MCTP1: variants seen among roughly 807,000 people sequenced by gnomAD.
MCTP1 encodes multiple C2 and transmembrane domain-containing protein 1.
Under a neutral mutation model 120.6 loss-of-function variants are expected in MCTP1, and 69 were observed. The ratio of observed to expected loss-of-function variants is 0.57; its 90% CI spans 0.47 to 0.70. MCTP1 has a LOEUF of 0.70. MCTP1 is among the 30% of genes least tolerant of loss of function. The probability of loss-of-function intolerance (pLI) is 0.00; values close to 1 mark genes in which losing one functional copy is unlikely to be tolerated. For synonymous variants in MCTP1, 529 were observed against 493.1 expected (o/e 1.07, Z -0.96); for missense variants, 1,203 against 1,248.8 (o/e 0.96, Z 0.55).
intron 1 of MCTP1, among the ~76,000 whole-genome samples, chr5:95,171,067 T>C (rs1225057749): frequency 1.3e-5 from 2 of 152,204 alleles, no homozygotes; most frequent in African/African-American, 2.4e-5. Context: ...CCTTTCCATG[T>C]TTAGTGCTTA....
At chr5:95,081,335 A>G in intron 1 of MCTP1, 1 of 1,086,522 alleles carries the variant, frequency 9.2e-7, no homozygotes, top group South Asian at 1.5e-5. Flanking sequence ...CCCCGTGAGA[A>G]GGCATTTTTC....
chr5:94,934,795 T>C (rs1253183459), intron 5 of MCTP1, among the ~76,000 whole-genome samples: 2 of 151,752 alleles, frequency 1.3e-5, no homozygotes, highest in East Asian at 3.9e-4. Context: ...TATGTTTCTT[T>C]GAATTTTCTA....
At chr5:94,940,575 TAC>T (rs1554144649) in intron 4 of MCTP1, among the ~76,000 whole-genome samples, 113 of 119,430 alleles carry the variant, frequency 9.5e-4, no homozygotes, top group African/African-American at 4.1e-3. Flanking sequence ...TATATATATA[TAC>T]ATATATATGT....
In MCTP1 at chr5:94,884,593, C is replaced by T. The variant is rs748337463; in HGVS notation, c.1933+4286G>A. 2.7e-5 allele frequency among the ~76,000 whole-genome samples: 3 copies of T among 109,856 alleles called. No homozygotes were observed. In the Admixed American group the frequency reaches 4.4e-4, roughly 16 times the overall value. The allele number at this position is 109,856 out of a possible 152,430, so 72.1% of individuals were successfully genotyped here. A position where few individuals can be genotyped will look rare whatever the true frequency, so the allele number is the denominator to read the frequency against. On this transcript the variant is annotated intron_variant, in intron 12 of 22. Coordinates refer to ENST00000515393, the MANE Select transcript of MCTP1 (RefSeq NM_024717.7). ...GGACCATCTAAAAGTGTCTGATCGC[C>T]GGTCTGTGACACAGCAAGTTGGGGG...
At position 94,982,884 on chromosome 5, in the gene MCTP1, C is replaced by CAAAAAAAAAAAAAAAAAAAAAAAA. The variant is rs34561115; in HGVS notation, c.839-29547_839-29524dup. Among the ~76,000 whole-genome samples the CAAAAAAAAAAAAAAAAAAAAAAAA allele has an allele frequency of 2.2e-3, 63 of 28,616 alleles. 14 individuals are homozygous for CAAAAAAAAAAAAAAAAAAAAAAAA. The highest frequency in any genetic ancestry group is 3.3e-3 in the Non-Finnish European group (40 of 12,002). The allele number at this position is 28,616 out of a possible 152,430, so 18.8% of individuals were successfully genotyped here. ...ACCTGGGGGACAGAGCACACTTCAT[C>CAAAAAAAAAAAAAAAAAAAAAAAA]AAAAAAAAAAAAAAAAAAAAAAAAA... On this transcript the variant is annotated intron_variant, in intron 2 of 22. Transcript: ENST00000515393.
intron 1 of MCTP1, among the ~76,000 whole-genome samples, chr5:95,061,308 A>G (rs1749001044): frequency 6.6e-6 from 1 of 150,958 alleles, no homozygotes; most frequent in African/African-American, 2.4e-5. Context: ...TTAAAAATGG[A>G]GTAAGTTTCC....
At chr5:94,847,191 A>G (rs1456101916) in intron 17 of MCTP1, among the ~76,000 whole-genome samples, 1 of 152,172 alleles carries the variant, frequency 6.6e-6, no homozygotes, top group Non-Finnish European at 1.5e-5. Flanking sequence ...TCCCCAGGTG[A>G]TATGTATGTA....
chr5:95,107,927 G>T (rs1757205949), intron 1 of MCTP1, among the ~76,000 whole-genome samples: 1 of 152,184 alleles, frequency 6.6e-6, no homozygotes, highest in Admixed American at 6.5e-5. Flanking sequence ...CTGCCATGGT[G>T]GTTTGCTGCA....
At chr5:95,036,911 T>TTCACTCACTCAC (rs141556044) in intron 1 of MCTP1, among the ~76,000 whole-genome samples, 92,410 of 151,506 alleles carry the variant, frequency 0.61, 29,589 homozygotes, top group Non-Finnish European at 0.73. Flanking sequence ...ATTTCATTCT[T>TTCACTCACTCAC]TCACTCACTC....
chr5:95,206,982 C>T (rs1021237451), intron 1 of MCTP1, among the ~76,000 whole-genome samples: 2 of 152,244 alleles, frequency 1.3e-5, no homozygotes, highest in African/African-American at 4.8e-5. Context: ...TATATTTATA[C>T]CCACTGACAT....
rs370512794 is a variant in MCTP1 at position 94,780,375 on chromosome 5, G to A, written c.2557-1212C>T. On this transcript the variant is annotated intron_variant, in intron 18 of 22. Coordinates refer to ENST00000515393, the MANE Select transcript of MCTP1 (RefSeq NM_024717.7). ...AACTGAGATAACATATCAGAACTCC[G>A]TTATTCCTAATAATTTTTCTCAAAT... 2.0e-4 allele frequency among the ~76,000 whole-genome samples: 30 copies of A among 151,878 alleles called. No individual in the cohort carries two copies. In the South Asian group the frequency reaches 5.0e-3, roughly 25 times the overall value.
intron 17 of MCTP1, among the ~76,000 whole-genome samples, chr5:94,864,931 A>T (rs563230512): frequency 2.4e-3 from 364 of 152,028 alleles, no homozygotes; most frequent in Non-Finnish European, 3.8e-3. Context: ...GAGCCTGATG[A>T]AAATTAGGCC....
chr5:95,250,088 A>G (rs950424993), intron 1 of MCTP1, among the ~76,000 whole-genome samples: 1 of 152,226 alleles, frequency 6.6e-6, no homozygotes, highest in Non-Finnish European at 1.5e-5. Context: ...GCAAACCAAC[A>G]TGGCACATGT....
At chr5:94,919,572 T>C (rs1811013289) in intron 7 of MCTP1, among the ~76,000 whole-genome samples, 1 of 152,190 alleles carries the variant, frequency 6.6e-6, no homozygotes, top group Non-Finnish European at 1.5e-5. Flanking sequence ...GTGTTTACAA[T>C]AAGCCATGTG....
At chr5:94,757,515 G>A (rs1201802942) in intron 19 of MCTP1, among the ~76,000 whole-genome samples, 1 of 152,170 alleles carries the variant, frequency 6.6e-6, no homozygotes, top group Non-Finnish European at 1.5e-5. Flanking sequence ...AAGGAAGTTA[G>A]TTTTAGAGGA....
At chr5:94,937,498 A>G (rs1479114260) in intron 5 of MCTP1, among the ~76,000 whole-genome samples, 1 of 152,028 alleles carries the variant, frequency 6.6e-6, no homozygotes. Flanking sequence ...CATGTAACCC[A>G]CCTACTTTCT....
At chr5:95,018,120 C>G (rs2114195) in intron 1 of MCTP1, among the ~76,000 whole-genome samples, 142,494 of 152,138 alleles carry the variant, frequency 0.94, 67,418 homozygotes, top group East Asian at 1. Context: ...TGTTTGTGAG[C>G]CTGCCTCTAT....
At chr5:94,897,725 T>C (rs531588338) in intron 10 of MCTP1, among the ~76,000 whole-genome samples, 1 of 152,246 alleles carries the variant, frequency 6.6e-6, no homozygotes, top group African/African-American at 2.4e-5. Context: ...GTTTGTAATA[T>C]ACATAAACTC....
intron 1 of MCTP1, among the ~76,000 whole-genome samples, chr5:95,216,601 G>A (rs1246226310): frequency 6.6e-6 from 1 of 152,148 alleles, no homozygotes; most frequent in Non-Finnish European, 1.5e-5. Context: ...CCCACCAGAT[G>A]TCAAAGGTGT....
Sources: gnomAD v4.1 joint callset for allele counts (sites outside exome capture counted in the v4.1 genomes callset) on GRCh38, gnomAD v4.1.1 for gene constraint, MANE v1.5 for transcripts, NCBI Gene and HGNC (gene_info 2026-07-23, HGNC 2026-07-21) for gene names.